The following LGSN variants were observed in gnomAD, a reference collection of about 807,000 sequenced individuals.
LGSN encodes lengsin, lens protein with glutamine synthetase domain, also known as lengsin.
Under a neutral mutation model 19.5 loss-of-function variants are expected in LGSN, and 21 were observed. The observed-to-expected ratio is 1.07, with a 90% CI of 0.76 to 1.55. The LOEUF (loss-of-function observed/expected upper bound fraction) is 1.55. Ranked by LOEUF, LGSN falls within the 40% of genes most tolerant of loss-of-function variation. LGSN has a pLI of 0.00. For missense variants in LGSN, 673 were observed against 608.5 expected, an observed-to-expected ratio of 1.11 and a Z score of -1.12; for synonymous variants, 257 against 215.6, an observed-to-expected ratio of 1.19 and a Z score of -1.68.
At chr6:63,547,494 G>A in the LGSN span, among the ~76,000 whole-genome samples, 1 of 149,752 alleles carries the variant, frequency 6.7e-6, no homozygotes, top group African/African-American at 2.5e-5. Flanking sequence ...CCGGCCAGGG[G>A]GGAATTTTTT....
chr6:63,315,205 A>G (rs1024601236), intron 1 of LGSN, among the ~76,000 whole-genome samples: 6 of 152,202 alleles, frequency 3.9e-5, no homozygotes, highest in Non-Finnish European at 8.8e-5. Context: ...AAGACCTACC[A>G]TGTTGAAGTA....
At chr6:63,281,278 GGC>G in intron 3 of LGSN, 58 bp from the exon 4 acceptor site, 1 of 1,266,064 alleles carries the variant, frequency 7.9e-7, no homozygotes, top group Non-Finnish European at 1.0e-6. Context: ...AGGGTCGGGG[GGC>G]GGCGGGAAAG....
chr6:63,508,562 A>T, the LGSN span, among the ~76,000 whole-genome samples: 16 of 152,216 alleles, frequency 1.1e-4, no homozygotes, highest in Non-Finnish European at 2.2e-4. Flanking sequence ...ATAAAGAAAA[A>T]TAAATGATTA....
chr6:63,338,349 A>G, the LGSN span, among the ~76,000 whole-genome samples: 1 of 152,202 alleles, frequency 6.6e-6, no homozygotes. Flanking sequence ...AGATTCTTCC[A>G]TAGCACCTGT....
chr6:63,557,512 G>A, the LGSN span, among the ~76,000 whole-genome samples: 1 of 152,086 alleles, frequency 6.6e-6, no homozygotes, highest in African/African-American at 2.4e-5. Flanking sequence ...GTTGCAGTGA[G>A]TCGAGATCGC....
intron 2 of LGSN, among the ~76,000 whole-genome samples, chr6:63,287,974 G>A (rs527999610): frequency 6.6e-6 from 1 of 151,950 alleles, no homozygotes; most frequent in African/African-American, 2.4e-5. Context: ...TCATCACTTT[G>A]GGAGGCCGAG....
chr6:63,293,184 A>G (rs1767842620), intron 2 of LGSN, among the ~76,000 whole-genome samples: 1 of 152,080 alleles, frequency 6.6e-6, no homozygotes, highest in South Asian at 2.1e-4. Context: ...TTGTGTAGAA[A>G]CAGGGTCTGC....
the LGSN span, among the ~76,000 whole-genome samples, chr6:63,362,030 G>A: frequency 6.6e-6 from 1 of 152,144 alleles, no homozygotes; most frequent in Admixed American, 6.5e-5. Context: ...CATTTCAAGA[G>A]GGAGCAACTT....
chr6:63,380,681 G>A, the LGSN span, among the ~76,000 whole-genome samples: 1 of 151,976 alleles, frequency 6.6e-6, no homozygotes, highest in Non-Finnish European at 1.5e-5. Context: ...TAAAAAAATA[G>A]CTCTTTTCTT....
the LGSN span, among the ~76,000 whole-genome samples, chr6:63,364,676 A>C: frequency 1.3e-5 from 2 of 152,208 alleles, no homozygotes; most frequent in East Asian, 1.9e-4. Context: ...AATTGGCCGC[A>C]TAGTTGGAAG....
the LGSN span, among the ~76,000 whole-genome samples, chr6:63,375,367 A>G: frequency 1.3e-5 from 2 of 151,468 alleles, no homozygotes; most frequent in Non-Finnish European, 2.9e-5. Flanking sequence ...GTGCTTGACA[A>G]CAATTGTATA....
At chr6:63,531,815 T>C in the LGSN span, among the ~76,000 whole-genome samples, 1 of 151,996 alleles carries the variant, frequency 6.6e-6, no homozygotes, top group Non-Finnish European at 1.5e-5. Context: ...TATCTGCATG[T>C]TTATGGCCAC....
intron 1 of LGSN, 28 bp downstream of exon 1, chr6:63,319,885 TA>T: frequency 6.4e-7 from 1 of 1,555,712 alleles, no homozygotes; most frequent in East Asian, 2.2e-5. Context: ...ATATTTTGGT[TA>T]AAAACATTTT....
the LGSN span, among the ~76,000 whole-genome samples, chr6:63,445,243 A>T: frequency 2.0e-5 from 3 of 151,826 alleles, no homozygotes; most frequent in African/African-American, 7.3e-5. Flanking sequence ...GCTGGGAGGT[A>T]GAGGTTGCAA....
the LGSN span, among the ~76,000 whole-genome samples, chr6:63,461,633 A>G: frequency 6.6e-6 from 1 of 152,246 alleles, no homozygotes; most frequent in Non-Finnish European, 1.5e-5. Context: ...GCAGTTTTAC[A>G]GATGGAAAAA....
intron 1 of LGSN, among the ~76,000 whole-genome samples, chr6:63,316,854 G>A (rs910358333): frequency 1.3e-5 from 2 of 152,038 alleles, no homozygotes; most frequent in Non-Finnish European, 2.9e-5. Context: ...GAAGATATCA[G>A]CTAATGGGCT....
chr6:63,442,743 A>C, the LGSN span, among the ~76,000 whole-genome samples: 1 of 152,030 alleles, frequency 6.6e-6, no homozygotes, highest in African/African-American at 2.4e-5. Flanking sequence ...AAAGTTCTCC[A>C]AGTCCCCACC....
At chr6:63,565,581 A>T in the LGSN span, among the ~76,000 whole-genome samples, 3 of 152,210 alleles carry the variant, frequency 2.0e-5, no homozygotes, top group Non-Finnish European at 2.9e-5. Flanking sequence ...AAATATTTAC[A>T]TCTGTAGTAC....
At chr6:63,368,038 T>TA in the LGSN span, among the ~76,000 whole-genome samples, 3 of 150,916 alleles carry the variant, frequency 2.0e-5, no homozygotes, top group Admixed American at 2.0e-4. Context: ...CATGTATACA[T>TA]ATGTAATAAA....
Sources: gnomAD v4.1 joint callset for allele counts (sites outside exome capture counted in the v4.1 genomes callset) on GRCh38, gnomAD v4.1.1 for gene constraint, MANE v1.5 for transcripts, NCBI Gene and HGNC (gene_info 2026-07-23, HGNC 2026-07-21) for gene names.